LPIN1: variants seen among roughly 807,000 people sequenced by gnomAD.
LPIN1 encodes phosphatidate phosphatase LPIN1.
In LPIN1, 71 loss-of-function variants were observed where a neutral mutation model predicts 107.5. That is an observed-to-expected ratio of 0.66 (90% confidence interval 0.55 to 0.80). LPIN1 has a LOEUF of 0.80. Ranked by LOEUF, LPIN1 falls within the 30% of genes least tolerant of loss-of-function variation. The probability of loss-of-function intolerance (pLI) is 0.00; values close to 1 mark genes in which losing one functional copy is unlikely to be tolerated. For missense variants in LPIN1, 1,043 were observed against 1,160.6 expected (o/e 0.90, Z 1.47); for synonymous variants, 445 against 452.6 (o/e 0.98, Z 0.21).
intron 20 of LPIN1, among the ~76,000 whole-genome samples, chr2:11,823,905 A>G (rs1374263832): frequency 6.6e-6 from 1 of 152,184 alleles, no homozygotes; most frequent in Non-Finnish European, 1.5e-5. Context: ...GGGCAAGACA[A>G]TTGTCCAAGG....
intron 1 of LPIN1, among the ~76,000 whole-genome samples, chr2:11,680,216 A>G (rs1452858242): frequency 6.6e-6 from 1 of 151,852 alleles, no homozygotes; most frequent in Admixed American, 6.6e-5. Flanking sequence ...GGGAAGCGTA[A>G]AAGTGGCTCA....
intron 1 of LPIN1, among the ~76,000 whole-genome samples, chr2:11,696,862 C>T (rs945572772): frequency 2.8e-4 from 43 of 152,248 alleles, no homozygotes; most frequent in Non-Finnish European, 4.6e-4. Flanking sequence ...TCCTGTCAGC[C>T]TCGAAGTGTC....
chr2:11,805,956 C>T (rs1466634571), intron 17 of LPIN1, among the ~76,000 whole-genome samples: 1 of 152,212 alleles, frequency 6.6e-6, no homozygotes, highest in East Asian at 1.9e-4. Context: ...AGTCATGCCT[C>T]CTCCAGCCTT....
chr2:11,710,129 C>T (rs551302565), intron 1 of LPIN1, among the ~76,000 whole-genome samples: 1 of 152,236 alleles, frequency 6.6e-6, no homozygotes, highest in South Asian at 2.1e-4. Flanking sequence ...TTATCTTTCT[C>T]CTACCCTTAT....
Position 11,784,909 on chromosome 2 carries a change from A to G in LPIN1, c.1382A>G (p.Lys461Arg), listed in dbSNP as rs1674253743. Residue 461 changes from lysine (K) to arginine (R), a missense_variant, in exon 10 of 21, where the codon AAA (lysine) becomes AGA (arginine). Coordinates refer to ENST00000674199, the MANE Select transcript of LPIN1 (RefSeq NM_001349206.2). The part of the protein sequence containing the change: ...PKNGDPSGLA[K>R]HASDNGARSA... ...AGCGGAGATCCTTCCGGACTCGCAA[A>G]ACATGCAAGCGACAACGGAGCCCGG... 6.2e-7 allele frequency: 1 copy of G among 1,613,846 alleles called. No homozygotes were observed. The highest frequency in any genetic ancestry group is 1.7e-5 in the Admixed American group (1 of 60,002).
At chr2:11,811,447 G>A (rs1046597559) in intron 17 of LPIN1, among the ~76,000 whole-genome samples, 1 of 152,200 alleles carries the variant, frequency 6.6e-6, no homozygotes, top group Non-Finnish European at 1.5e-5. Flanking sequence ...TCCCCATTAG[G>A]TCACTCTCGA....
chr2:11,824,742 A>G lies in LPIN1; in HGVS notation c.2732A>G (p.Glu911Gly), dbSNP rs748706363. Reference protein sequence around the residue: ...DTFSNFTFWREPLPPFENQDI... With the variant: ...DTFSNFTFWRGPLPPFENQDI... ...TTCAGTAACTTCACCTTTTGGAGAGAGCCACTGCCACCTTTTGAAAACCAG... is the reference window on the plus strand; with the variant it reads ...TTCAGTAACTTCACCTTTTGGAGAGGGCCACTGCCACCTTTTGAAAACCAG... Residue 911 changes from glutamate to glycine, a missense_variant, in exon 21 of 21, where the codon GAG (glutamate) becomes GGG (glycine). By Grantham distance (98) the Glu-to-Gly change is moderately conservative. Coordinates refer to ENST00000674199, the MANE Select transcript of LPIN1 (RefSeq NM_001349206.2). 1.2e-6 allele frequency: 2 copies of G among 1,614,116 alleles called. No individual in the cohort carries two copies. The highest frequency in any genetic ancestry group is 4.5e-5 in the East Asian group (2 of 44,876).
chr2:11,731,922 G>GT (rs1214102082), intron 1 of LPIN1, among the ~76,000 whole-genome samples: 1 of 151,814 alleles, frequency 6.6e-6, no homozygotes, highest in African/African-American at 2.4e-5. Context: ...GGGTTGTATG[G>GT]TTTTTTTCTT....
intron 1 of LPIN1, among the ~76,000 whole-genome samples, chr2:11,685,093 G>A (rs1326866740): frequency 2.0e-5 from 3 of 152,144 alleles, no homozygotes; most frequent in East Asian, 1.9e-4. Flanking sequence ...GGAGGATGAC[G>A]TAATTTTCAA....
At chr2:11,728,869 G>A (rs956866226) in intron 1 of LPIN1, among the ~76,000 whole-genome samples, 2 of 151,944 alleles carry the variant, frequency 1.3e-5, no homozygotes, top group Admixed American at 1.3e-4. Context: ...CTTAAAATAT[G>A]TATAAGTTCC....
intron 1 of LPIN1, among the ~76,000 whole-genome samples, chr2:11,704,107 G>C (rs1663015373): frequency 1.3e-5 from 2 of 152,244 alleles, no homozygotes. Context: ...GCATCCCCCA[G>C]AATGGGGAGG....
chr2:11,729,856 C>T (rs945401346), intron 1 of LPIN1, among the ~76,000 whole-genome samples: 1 of 151,038 alleles, frequency 6.6e-6, no homozygotes, highest in Non-Finnish European at 1.5e-5. Flanking sequence ...ATTTTAATTT[C>T]AAATAGAAAA....
intron 1 of LPIN1, among the ~76,000 whole-genome samples, chr2:11,752,491 G>T (rs1415415543): frequency 1.5e-5 from 2 of 137,208 alleles, no homozygotes; most frequent in Non-Finnish European, 3.0e-5. Flanking sequence ...GAGTGCAGTG[G>T]CGGGATCTCG....
intron 20 of LPIN1, among the ~76,000 whole-genome samples, 198 bp downstream of exon 20, chr2:11,820,712 C>T (rs181478353): frequency 5.3e-5 from 8 of 152,274 alleles, no homozygotes; most frequent in African/African-American, 1.7e-4. Flanking sequence ...AATCAGATCC[C>T]TTCTGGGTCT....
chr2:11,693,087 C>T (rs944526207), intron 1 of LPIN1, among the ~76,000 whole-genome samples: 4 of 151,970 alleles, frequency 2.6e-5, no homozygotes, highest in African/African-American at 4.8e-5. Flanking sequence ...AAGATGGGTC[C>T]GATAGGTGGA....
rs374133680 is a variant in LPIN1 at position 11,760,578 on chromosome 2, G to A, written c.-9-4955G>A. Among the ~76,000 whole-genome samples the A allele has an allele frequency of 5.9e-5, 9 of 152,354 alleles. No homozygotes were observed. In the East Asian group the frequency reaches 1.2e-3, roughly 20 times the overall value. Reference sequence around the variant, plus strand: ...CGCCTGCAATCGCAGGCACTCGGCAGGTTGAGGCAGGAGAATCAGGCAGGG... The same window carrying A: ...CGCCTGCAATCGCAGGCACTCGGCAAGTTGAGGCAGGAGAATCAGGCAGGG... On this transcript the variant is annotated intron_variant, in intron 1 of 20. Coordinates refer to ENST00000674199, the MANE Select transcript of LPIN1 (RefSeq NM_001349206.2).
chr2:11,690,567 C>T (rs955175240), intron 1 of LPIN1, among the ~76,000 whole-genome samples: 1 of 152,158 alleles, frequency 6.6e-6, no homozygotes, highest in Non-Finnish European at 1.5e-5. Flanking sequence ...CCTTAATTCT[C>T]CTTTCTGGCA....
chr2:11,735,291 CAAA>C (rs1213109442), intron 1 of LPIN1, among the ~76,000 whole-genome samples: 3 of 106,430 alleles, frequency 2.8e-5, no homozygotes, highest in African/African-American at 3.0e-5. Context: ...GACTCTGTCT[CAAA>C]AAAAAAAAAA....
Position 11,827,285 on chromosome 2 carries a change from T to C in LPIN1, c.*2494T>C, listed in dbSNP as rs1289673786. ...CCACTGTAAGCACACTTTATTTGCA[T>C]TTGATCTGTATTTGTATATGCTGAT... On this transcript the variant is annotated 3_prime_UTR_variant, in exon 21 of 21. Coordinates refer to ENST00000674199, the MANE Select transcript of LPIN1 (RefSeq NM_001349206.2). This position sits in a 1 kb window ranked among gnomAD's most constrained non-coding sequence, Gnocchi z 4.1. The C allele has an allele frequency of 6.6e-6, 1 of 152,394 alleles. No individual in the cohort carries two copies. The highest frequency in any genetic ancestry group is 1.5e-5 in the Non-Finnish European group (1 of 68,050). 9.4% of individuals were successfully genotyped at this position (152,394 alleles called of 1,614,324 possible). A position where few individuals can be genotyped will look rare whatever the true frequency, so the allele number is the denominator to read the frequency against.
Sources: gnomAD v4.1 joint callset for allele counts (sites outside exome capture counted in the v4.1 genomes callset) on GRCh38, gnomAD v4.1.1 for gene constraint, Gnocchi (gnomAD v3.1) non-coding constraint, MANE v1.5 for transcripts, NCBI Gene and HGNC (gene_info 2026-07-23, HGNC 2026-07-21) for gene names.